KCTD16: variants seen among roughly 807,000 people sequenced by gnomAD.
KCTD16 encodes potassium channel tetramerization domain containing 16, also known as BTB/POZ domain-containing protein KCTD16.
In KCTD16, 13 loss-of-function variants were observed where a neutral mutation model predicts 33.2. That is an observed-to-expected ratio of 0.39 (90% CI 0.25 to 0.62). The LOEUF (loss-of-function observed/expected upper bound fraction) is 0.62. Among genes scored for constraint, KCTD16 ranks in the 20% least tolerant of loss-of-function variants. The pLI, the probability that KCTD16 is intolerant of heterozygous loss-of-function variation, is 0.50. For synonymous variants in KCTD16, 197 were observed against 195.3 expected, an observed-to-expected ratio of 1.01 and a Z score of -0.07; for missense variants, 441 against 525.1, an observed-to-expected ratio of 0.84 and a Z score of 1.57.
intron 3 of KCTD16, among the ~76,000 whole-genome samples, chr5:144,231,913 A>T (rs932432613): frequency 1.3e-5 from 2 of 152,190 alleles, no homozygotes; most frequent in African/African-American, 4.8e-5. Flanking sequence ...GTGAGAACAG[A>T]CTAATACACT....
chr5:144,205,173 A>C, intron 2 of KCTD16: 1 of 202,260 alleles, frequency 4.9e-6, no homozygotes, highest in Non-Finnish European at 9.9e-6. Context: ...CAGGGAGGGA[A>C]GTGGCTGCGC....
chr5:144,287,730 G>A (rs780072318), intron 3 of KCTD16, among the ~76,000 whole-genome samples: 5 of 151,938 alleles, frequency 3.3e-5, no homozygotes, highest in Admixed American at 6.5e-5. Flanking sequence ...TCCGTCTCCC[G>A]GGTTCAAGTG....
intron 2 of KCTD16, among the ~76,000 whole-genome samples, chr5:144,175,505 T>C (rs141947649): frequency 6.6e-6 from 1 of 152,348 alleles, no homozygotes; most frequent in East Asian, 1.9e-4. Context: ...TATATTCAAG[T>C]TGATAAAAAT....
rs1752460035 is a variant in KCTD16 at position 144,174,455 on chromosome 5, A to G, written c.-344A>G. 6.6e-6 allele frequency: 1 copy of G among 152,232 alleles called. No homozygotes were observed. Among genetic ancestry groups the G allele is most frequent in the African/African-American group, 2.4e-5 (1 of 41,462 alleles). 9.4% of individuals were successfully genotyped at this position (152,232 alleles called of 1,614,324 possible). On this transcript the variant is annotated 5_prime_UTR_variant, in exon 2 of 4. Transcript: ENST00000512467. ...TCAAGTTCCACAATGAAACCTGACA[A>G]TAATGGTAAAAACCAATGTAAGTGC...
chr5:144,338,364 C>G (rs1005812398), intron 3 of KCTD16, among the ~76,000 whole-genome samples: 5 of 152,156 alleles, frequency 3.3e-5, no homozygotes, highest in African/African-American at 1.2e-4. Context: ...CTGTCTCCAC[C>G]TTGGGCTGGT....
At chr5:144,198,020 A>G (rs532696016) in intron 2 of KCTD16, among the ~76,000 whole-genome samples, 18 of 152,286 alleles carry the variant, frequency 1.2e-4, no homozygotes, top group African/African-American at 3.9e-4. Flanking sequence ...CACATCGAAG[A>G]CATGAATACC....
rs184650892 is a variant in KCTD16, at chr5:144,468,733, T to C, written c.833-4927T>C. Among the ~76,000 whole-genome samples, 417 of 152,286 alleles carry C rather than the reference T, an allele frequency of 2.7e-3. 1 individual carries two copies. Among genetic ancestry groups the C allele is most frequent in the African/African-American group, 9.6e-3 (400 of 41,556 alleles). On this transcript the variant is annotated intron_variant, in intron 3 of 3. Transcript: ENST00000512467. The stretch of plus-strand genomic sequence containing the variant: ...CCCAGACTGGCAGGCTCCTACATCA[T>C]TGACAGAGAAGACAGGGGAAAGCAG...
chr5:144,276,675 G>A (rs1417369646), intron 3 of KCTD16, among the ~76,000 whole-genome samples: 1 of 152,104 alleles, frequency 6.6e-6, no homozygotes, highest in South Asian at 2.1e-4. Flanking sequence ...AGGCCAAGGT[G>A]GGTGGATCTC....
chr5:144,379,887 T>C (rs1427476821), intron 3 of KCTD16, among the ~76,000 whole-genome samples: 1 of 152,142 alleles, frequency 6.6e-6, no homozygotes, highest in African/African-American at 2.4e-5. Flanking sequence ...AAACCAAACA[T>C]CCATGTATTT....
At chr5:144,372,386 A>AT (rs1452844804) in intron 3 of KCTD16, among the ~76,000 whole-genome samples, 1 of 152,182 alleles carries the variant, frequency 6.6e-6, no homozygotes, top group African/African-American at 2.4e-5. Context: ...TTGCCTATTT[A>AT]TGCCAGTCAC....
At chr5:144,181,563 G>A (rs185849097) in intron 2 of KCTD16, among the ~76,000 whole-genome samples, 2 of 152,190 alleles carry the variant, frequency 1.3e-5, no homozygotes, top group South Asian at 2.1e-4. Context: ...TTTGTTGTTG[G>A]TGGTGGTGTT....
chr5:144,428,165 A>G (rs1291230919), intron 3 of KCTD16, among the ~76,000 whole-genome samples: 1 of 152,130 alleles, frequency 6.6e-6, no homozygotes, highest in Non-Finnish European at 1.5e-5. Context: ...TACACTAGGT[A>G]CGCCTTCCTT....
intron 3 of KCTD16, among the ~76,000 whole-genome samples, chr5:144,270,860 GA>G (rs947128003): frequency 2.0e-5 from 3 of 151,578 alleles, no homozygotes; most frequent in African/African-American, 7.3e-5. Flanking sequence ...ACTACAGAAA[GA>G]AAAAAGATTG....
chr5:144,405,414 A>G (rs1028382089), intron 3 of KCTD16, among the ~76,000 whole-genome samples: 1 of 152,202 alleles, frequency 6.6e-6, no homozygotes, highest in Non-Finnish European at 1.5e-5. Context: ...TTGGCAAATT[A>G]CTTTCCTGGA....
intron 3 of KCTD16, among the ~76,000 whole-genome samples, chr5:144,399,794 G>T (rs1752662078): frequency 6.6e-6 from 1 of 152,084 alleles, no homozygotes; most frequent in Non-Finnish European, 1.5e-5. Context: ...AAGCAGTTCT[G>T]CCTGTTTGAA....
At chr5:144,331,734 A>C (rs1752363834) in intron 3 of KCTD16, among the ~76,000 whole-genome samples, 2 of 152,190 alleles carry the variant, frequency 1.3e-5, no homozygotes, top group South Asian at 4.1e-4. Context: ...AAGACTCTCT[A>C]TCCTTAAGGA....
At chr5:144,418,564 C>A (rs1753137753) in intron 3 of KCTD16, among the ~76,000 whole-genome samples, 1 of 152,160 alleles carries the variant, frequency 6.6e-6, no homozygotes, top group South Asian at 2.1e-4. Context: ...GGCTTCACCT[C>A]TCAGAGACTG....
chr5:144,292,993 CAG>C (rs930447078), intron 3 of KCTD16, among the ~76,000 whole-genome samples: 6 of 152,176 alleles, frequency 3.9e-5, no homozygotes, highest in African/African-American at 1.2e-4. Context: ...CCTTTTTGTA[CAG>C]AGACTTGGTG....
intron 3 of KCTD16, among the ~76,000 whole-genome samples, chr5:144,347,376 C>T (rs1215772403): frequency 6.6e-6 from 1 of 152,154 alleles, no homozygotes; most frequent in Non-Finnish European, 1.5e-5. Flanking sequence ...GGGAGGATCA[C>T]CTGAGGTCAG....
Sources: gnomAD v4.1 joint callset for allele counts (sites outside exome capture counted in the v4.1 genomes callset) on GRCh38, gnomAD v4.1.1 for gene constraint, MANE v1.5 for transcripts, NCBI Gene and HGNC (gene_info 2026-07-23, HGNC 2026-07-21) for gene names.